The following DCAF8 variants were observed in gnomAD, a reference collection of about 807,000 sequenced individuals.
DCAF8 encodes the protein DDB1 and CUL4 associated factor 8.
A neutral mutation model predicts 68.0 loss-of-function variants in DCAF8; 20 were observed. The observed-to-expected ratio is 0.29, with a 90% confidence interval of 0.21 to 0.43. The LOEUF (loss-of-function observed/expected upper bound fraction) is 0.43, where lower values mean the gene tolerates loss of function less well. Among genes scored for constraint, DCAF8 ranks in the 20% least tolerant of loss-of-function variants. DCAF8 has a pLI of 1.00. For synonymous variants in DCAF8, 230 were observed against 276.9 expected (o/e 0.83, Z 1.68); for missense variants, 460 against 771.0 (o/e 0.60, Z 4.78).
At chr1:160,230,248 A>C (rs1655629802) in intron 7 of DCAF8, among the ~76,000 whole-genome samples, 1 of 152,216 alleles carries the variant, frequency 6.6e-6, no homozygotes, top group Admixed American at 6.5e-5. Flanking sequence ...TCTCATTTCA[A>C]AAGGAAGATG....
intron 7 of DCAF8, among the ~76,000 whole-genome samples, chr1:160,228,359 CTCAG>C (rs1655550980): frequency 6.6e-6 from 1 of 152,168 alleles, no homozygotes; most frequent in African/African-American, 2.4e-5. Flanking sequence ...CTAATGTTCT[CTCAG>C]TGTTGCTGAT....
chr1:160,250,644 T>G (rs1377304989), intron 2 of DCAF8, among the ~76,000 whole-genome samples: 1 of 152,160 alleles, frequency 6.6e-6, no homozygotes, highest in Non-Finnish European at 1.5e-5. Context: ...ACTTCTCACT[T>G]GAAAACGAAA....
intron 4 of DCAF8, 122 bp downstream of exon 4, chr1:160,239,575 G>T (rs1656020107): frequency 1.3e-6 from 2 of 1,598,390 alleles, no homozygotes; most frequent in South Asian, 2.2e-5. Context: ...GCCAAAGTAG[G>T]GCCATGTCCC....
At chr1:160,225,792 G>A (rs1571082720) in intron 7 of DCAF8, 129 bp from the exon 8 acceptor site, 1 of 676,756 alleles carries the variant, frequency 1.5e-6, no homozygotes, top group South Asian at 1.9e-5. Flanking sequence ...CCAAGCTTTT[G>A]GTTTGTGCTC....
intron 2 of DCAF8, among the ~76,000 whole-genome samples, chr1:160,254,436 C>T (rs180929506): frequency 1.3e-5 from 2 of 151,980 alleles, no homozygotes; most frequent in Admixed American, 6.6e-5. Flanking sequence ...AATTTATATA[C>T]ATATGTTTAT....
chr1:160,242,142 G>A (rs59880776), intron 3 of DCAF8, among the ~76,000 whole-genome samples: 4,888 of 152,118 alleles, frequency 0.032, 251 homozygotes, highest in African/African-American at 0.11. Context: ...CTACTTGGGA[G>A]GCTGAGGCAG....
At chr1:160,244,106 G>T (rs1656227367) in intron 2 of DCAF8, 72 bp from the exon 3 acceptor site, 1 of 1,097,968 alleles carries the variant, frequency 9.1e-7, no homozygotes, top group Non-Finnish European at 1.4e-6. Flanking sequence ...GGGACAAGGA[G>T]ATTTAACAAT....
intron 2 of DCAF8, among the ~76,000 whole-genome samples, chr1:160,255,161 T>A (rs1162312341): frequency 6.6e-6 from 1 of 152,224 alleles, no homozygotes; most frequent in East Asian, 1.9e-4. Context: ...TTCTGGCGTT[T>A]TAAAGAATTC....
intron 11 of DCAF8, 123 bp downstream of exon 11, chr1:160,222,528 G>A (rs1655333511): frequency 9.7e-6 from 13 of 1,345,886 alleles, no homozygotes; most frequent in Non-Finnish European, 1.1e-5. Flanking sequence ...AGTCTTTTAT[G>A]GCTGGCTGGA....
At chr1:160,236,219 A>G (rs1335410002) in intron 6 of DCAF8, among the ~76,000 whole-genome samples, 1 of 151,720 alleles carries the variant, frequency 6.6e-6, no homozygotes, top group Admixed American at 6.6e-5. Context: ...AACTTAATCA[A>G]TTTCAGCCAT....
In DCAF8 at chr1:160,258,582, G is replaced by A. The variant is rs1656932147; in HGVS notation, c.-27+2703C>T. 2.0e-5 allele frequency among the ~76,000 whole-genome samples: 3 copies of A among 151,824 alleles called. No individual in the cohort carries two copies. In the South Asian group the frequency reaches 6.2e-4, roughly 32 times the overall value. On this transcript the variant is annotated intron_variant, in intron 2 of 13. Transcript: ENST00000368074. ...TGGGAGCATCACTTGAGCCGGGCAA[G>A]TAAGACCTCATCTCTTTAAAAAAAC...
chr1:160,244,422 G>T (rs1261570330), intron 2 of DCAF8, among the ~76,000 whole-genome samples: 1 of 152,102 alleles, frequency 6.6e-6, no homozygotes, highest in Non-Finnish European at 1.5e-5. Context: ...TTGCCCCCTA[G>T]GCAAGAATCT....
At chr1:160,250,912 T>C (rs569153320) in intron 2 of DCAF8, among the ~76,000 whole-genome samples, 79 of 152,320 alleles carry the variant, frequency 5.2e-4, no homozygotes, top group African/African-American at 1.9e-3. Flanking sequence ...CTATGAACAC[T>C]GGTCTGACAA....
chr1:160,238,489 A>G, intron 5 of DCAF8, 118 bp downstream of exon 5: 1 of 1,140,134 alleles, frequency 8.8e-7, no homozygotes, highest in Non-Finnish European at 1.2e-6. Context: ...TAGGACTGAA[A>G]GAGGTGAGGC....
At chr1:160,262,392 C>A (rs1396542984) in intron 1 of DCAF8, 57 bp downstream of exon 1, 1 of 399,568 alleles carries the variant, frequency 2.5e-6, no homozygotes, top group African/African-American at 2.1e-5. Context: ...GCTGCTCCGA[C>A]TGTTCCAGGC....
intron 2 of DCAF8, among the ~76,000 whole-genome samples, chr1:160,248,195 T>G (rs1370621425): frequency 6.6e-6 from 1 of 151,834 alleles, no homozygotes; most frequent in Non-Finnish European, 1.5e-5. Flanking sequence ...TAGTCCCTGC[T>G]ACTGGGGAAG....
intron 2 of DCAF8, among the ~76,000 whole-genome samples, chr1:160,245,619 G>C (rs1230828245): frequency 2.6e-5 from 4 of 152,162 alleles, no homozygotes. Flanking sequence ...CACCTGGAAG[G>C]GTGATGATGA....
At chr1:160,239,590 T>A (rs757657100) in intron 4 of DCAF8, 107 bp downstream of exon 4, 1 of 1,609,700 alleles carries the variant, frequency 6.2e-7, no homozygotes, top group Admixed American at 1.7e-5. Context: ...TGTCCCGATA[T>A]GTAATTCCTA....
intron 1 of DCAF8, chr1:160,262,238 G>T (rs571869268): frequency 1.0e-5 from 4 of 398,170 alleles, no homozygotes; most frequent in African/African-American, 2.1e-5. Flanking sequence ...GCTGGGAAGC[G>T]AGGGGGGGCG....
Sources: gnomAD v4.1 joint callset for allele counts (sites outside exome capture counted in the v4.1 genomes callset) on GRCh38, gnomAD v4.1.1 for gene constraint, MANE v1.5 for transcripts, NCBI Gene and HGNC (gene_info 2026-07-23, HGNC 2026-07-21) for gene names.